NDUFAF6: variants seen among roughly 807,000 people sequenced by gnomAD.
NDUFAF6 encodes NADH dehydrogenase (ubiquinone) complex I, assembly factor 6.
Under a neutral mutation model 40.8 loss-of-function variants are expected in NDUFAF6, and 45 were observed. The observed-to-expected ratio is 1.10, with a 90% CI of 0.87 to 1.42. NDUFAF6 has a LOEUF of 1.42. Among genes scored for constraint, NDUFAF6 ranks in the 40% most tolerant of loss-of-function variants. NDUFAF6 has a pLI of 0.00. For synonymous variants in NDUFAF6, 185 were observed against 155.9 expected, an observed-to-expected ratio of 1.19 and a Z score of -1.39; for missense variants, 435 against 418.5, an observed-to-expected ratio of 1.04 and a Z score of -0.34.
downstream of NDUFAF6, among the ~76,000 whole-genome samples, chr8:95,062,403 G>A (rs1394551034): frequency 6.6e-6 from 1 of 152,176 alleles, no homozygotes; most frequent in Non-Finnish European, 1.5e-5. Flanking sequence ...TTGTACAAAA[G>A]ACACAGACTG....
At chr8:95,091,134 A>G (rs999108882) in intron 2 of NDUFAF6, among the ~76,000 whole-genome samples, 3 of 152,106 alleles carry the variant, frequency 2.0e-5, no homozygotes, top group Non-Finnish European at 4.4e-5. Context: ...CCATTCGCCA[A>G]ACACCTGCTG....
At chr8:95,052,846 C>T (rs976600441) in intron 8 of NDUFAF6, among the ~76,000 whole-genome samples, 2 of 152,180 alleles carry the variant, frequency 1.3e-5, no homozygotes, top group Admixed American at 1.3e-4. Flanking sequence ...GATGCGTAGA[C>T]AGGTTTGGGA....
At chr8:94,908,319 G>T (rs1007238251) in intron 1 of NDUFAF6, among the ~76,000 whole-genome samples, 1 of 152,190 alleles carries the variant, frequency 6.6e-6, no homozygotes, top group African/African-American at 2.4e-5. Flanking sequence ...AGTTTAAGTT[G>T]AGCAAAGAAA....
chr8:94,939,870 T>C (rs755205229), intron 1 of NDUFAF6: 4 of 1,612,180 alleles, frequency 2.5e-6, no homozygotes, highest in South Asian at 1.1e-5. Flanking sequence ...CTGGGACTAC[T>C]TGGGCTATGT....
At chr8:94,999,012 A>G (rs78056349) in intron 2 of NDUFAF6, among the ~76,000 whole-genome samples, 10 of 152,086 alleles carry the variant, frequency 6.6e-5, no homozygotes, top group Non-Finnish European at 1.5e-4. Flanking sequence ...ATTTTACACC[A>G]CCACACAGTG....
intron 1 of NDUFAF6, chr8:94,927,563 C>T (rs1820002932): frequency 1.3e-5 from 2 of 152,132 alleles, no homozygotes; most frequent in African/African-American, 2.4e-5. Flanking sequence ...AAAAATTCCC[C>T]ACCCAATCAA....
At chr8:95,026,869 G>A (rs1206718263) in intron 1 of NDUFAF6, among the ~76,000 whole-genome samples, 1 of 152,054 alleles carries the variant, frequency 6.6e-6, no homozygotes, top group East Asian at 1.9e-4. Flanking sequence ...GCAACATAGC[G>A]GGATGCTGTT....
intron 2 of NDUFAF6, among the ~76,000 whole-genome samples, chr8:95,092,761 T>C (rs1384931358): frequency 3.3e-5 from 5 of 152,144 alleles, no homozygotes; most frequent in African/African-American, 1.2e-4. Flanking sequence ...ATTTTTTGTA[T>C]TTTTAGTAGA....
intron 4 of NDUFAF6, among the ~76,000 whole-genome samples, chr8:95,110,872 G>A (rs1207502420): frequency 6.6e-6 from 1 of 152,190 alleles, no homozygotes; most frequent in African/African-American, 2.4e-5. Context: ...GATTTCTGTT[G>A]CTATGGAAAA....
At position 95,025,047 on chromosome 8, in the gene NDUFAF6, G is replaced by T; in HGVS notation, c.39G>T (p.Leu13Phe). Residue 13 changes from leucine to phenylalanine, a missense_variant, in exon 1 of 9, where the codon TTG becomes TTT. By Grantham distance (22) the Leu-to-Phe change is conservative. Transcript: ENST00000396124. Reference protein sequence around the residue: ...ASAHGSVWGPLRLGIPGLCCR... With the variant: ...ASAHGSVWGPFRLGIPGLCCR... Reference sequence around the variant, plus strand: ...CGCACGGCTCTGTCTGGGGGCCGTTGCGGCTTGGCATCCCCGGCCTGTGCT... The same window carrying T: ...CGCACGGCTCTGTCTGGGGGCCGTTTCGGCTTGGCATCCCCGGCCTGTGCT... 4 of 1,418,694 alleles carry T rather than the reference G, an allele frequency of 2.8e-6. No homozygotes were observed. Among genetic ancestry groups the T allele is most frequent in the Non-Finnish European group, 3.6e-6 (4 of 1,098,886 alleles). The allele number at this position is 1,418,694 out of a possible 1,614,324, so 87.9% of individuals were successfully genotyped here.
chr8:94,982,908 C>T (rs900051675), intron 2 of NDUFAF6, among the ~76,000 whole-genome samples: 1 of 152,202 alleles, frequency 6.6e-6, no homozygotes, highest in African/African-American at 2.4e-5. Context: ...CTAATAAAGA[C>T]AGAATGTGCA....
At position 95,036,535 on chromosome 8, in the gene NDUFAF6, T is replaced by G; in HGVS notation, c.420+959T>G. On this transcript the variant is annotated intron_variant, in intron 3 of 8. Transcript: ENST00000396124. The stretch of plus-strand genomic sequence containing the variant: ...GTTCTTTACCTCTGTTCATCCCACT[T>G]CAAGAAGCTCAACCTAGGTGACTCA... The G allele has an allele frequency of 3.1e-6, 4 of 1,271,218 alleles. No individual in the cohort carries two copies. In the South Asian group the frequency reaches 5.1e-5, roughly 16 times the overall value. The allele number at this position is 1,271,218 out of a possible 1,614,324, so 78.7% of individuals were successfully genotyped here.
At chr8:94,922,562 T>TCC (rs1819578202) in intron 1 of NDUFAF6, among the ~76,000 whole-genome samples, 1 of 150,714 alleles carries the variant, frequency 6.6e-6, no homozygotes. Context: ...CACTGCAACC[T>TCC]CCGCCTCCCG....
intron 1 of NDUFAF6, among the ~76,000 whole-genome samples, chr8:94,917,442 C>T (rs952944038): frequency 4.6e-5 from 7 of 152,196 alleles, no homozygotes; most frequent in South Asian, 4.1e-4. Flanking sequence ...ATAACAATTG[C>T]GAAATAGAAA....
At chr8:95,034,077 C>G (rs1324850871) in intron 2 of NDUFAF6, 1 of 457,618 alleles carries the variant, frequency 2.2e-6, no homozygotes, top group African/African-American at 2.0e-5. Flanking sequence ...TGCTAAGAAA[C>G]CCACCCACCA....
intron 1 of NDUFAF6, among the ~76,000 whole-genome samples, chr8:94,938,141 G>A (rs1462827955): frequency 6.6e-6 from 1 of 152,216 alleles, no homozygotes; most frequent in African/African-American, 2.4e-5. Flanking sequence ...ATGCCTGAAA[G>A]GGTGAAGCTA....
At chr8:95,056,931 A>G (rs1303475697) in intron 8 of NDUFAF6, among the ~76,000 whole-genome samples, 1 of 151,952 alleles carries the variant, frequency 6.6e-6, no homozygotes, top group Non-Finnish European at 1.5e-5. Flanking sequence ...TAGATAATGA[A>G]TTTGTTTGTA....
upstream of NDUFAF6, among the ~76,000 whole-genome samples, chr8:94,957,364 G>C (rs1340406603): frequency 2.6e-5 from 4 of 152,158 alleles, no homozygotes; most frequent in African/African-American, 7.2e-5. Context: ...CTGGATCAAG[G>C]AGCTAGGGAG....
chr8:95,001,201 C>G (rs958308629), intron 2 of NDUFAF6, among the ~76,000 whole-genome samples: 1 of 152,042 alleles, frequency 6.6e-6, no homozygotes, highest in African/African-American at 2.4e-5. Context: ...AGTGATCCTC[C>G]CTACTTGGCC....
Sources: gnomAD v4.1 joint callset for allele counts (sites outside exome capture counted in the v4.1 genomes callset) on GRCh38, gnomAD v4.1.1 for gene constraint, MANE v1.5 for transcripts, NCBI Gene and HGNC (gene_info 2026-07-23, HGNC 2026-07-21) for gene names.